Variants in RPN1 observed in about 807,000 individuals in gnomAD.
RPN1 encodes the protein dolichyl-diphosphooligosaccharide--protein glycosyltransferase subunit 1.
Under a neutral mutation model 55.5 loss-of-function variants are expected in RPN1, and 12 were observed. The ratio of observed to expected loss-of-function variants is 0.22; its 90% CI spans 0.14 to 0.35. The LOEUF (loss-of-function observed/expected upper bound fraction) is 0.35. Ranked by LOEUF, RPN1 falls within the 10% of genes least tolerant of loss-of-function variation. The probability of loss-of-function intolerance (pLI) is 1.00; values close to 1 mark genes in which losing one functional copy is unlikely to be tolerated. For synonymous variants in RPN1, 317 were observed against 305.9 expected, an observed-to-expected ratio of 1.04 and a Z score of -0.38; for missense variants, 679 against 761.3, an observed-to-expected ratio of 0.89 and a Z score of 1.27.
intron 2 of RPN1, among the ~76,000 whole-genome samples, chr3:128,639,234 C>T (rs576648826): frequency 1.3e-5 from 2 of 152,130 alleles, no homozygotes; most frequent in South Asian, 2.1e-4. Flanking sequence ...GGGTGGATCA[C>T]GAGGTCAGGA....
intron 3 of RPN1, among the ~76,000 whole-genome samples, chr3:128,635,775 T>C (rs2069677527): frequency 6.7e-6 from 1 of 150,022 alleles, no homozygotes; most frequent in African/African-American, 2.4e-5. Flanking sequence ...TGTGTGTATA[T>C]ATATAAATAT....
intron 1 of RPN1, 37 bp downstream of exon 1, chr3:128,650,503 G>C: frequency 6.6e-7 from 1 of 1,509,164 alleles, no homozygotes; most frequent in Non-Finnish European, 8.9e-7. Flanking sequence ...GGCGGGAAGG[G>C]TCCCGGGAGC....
chr3:128,650,317 G>A (rs913755788), intron 1 of RPN1, among the ~76,000 whole-genome samples: 1 of 152,170 alleles, frequency 6.6e-6, no homozygotes, highest in Non-Finnish European at 1.5e-5. Context: ...GGCCCAGGCA[G>A]GAGGGCGGGC....
At position 128,635,622 on chromosome 3, in the gene RPN1, T is replaced by G. The variant is rs1331181819; in HGVS notation, c.633+2177A>C. 6.0e-3 allele frequency among the ~76,000 whole-genome samples: 161 copies of G among 26,632 alleles called. 1 individual carries two copies. The highest frequency in any genetic ancestry group is 0.033 in the African/African-American group (154 of 4,672). The allele number at this position is 26,632 out of a possible 152,430, so 17.5% of individuals were successfully genotyped here. ...GCCCCTATAACTTGAGATATATATA[T>G]ATATATATATATATATAGATATATA... On this transcript the variant is annotated intron_variant, in intron 3 of 9. Transcript: ENST00000296255.
intron 2 of RPN1, among the ~76,000 whole-genome samples, chr3:128,639,005 G>A (rs553647653): frequency 2.0e-4 from 31 of 152,120 alleles, no homozygotes; most frequent in African/African-American, 7.0e-4. Context: ...ACAGAATACT[G>A]ACAGTCGTTA....
intron 2 of RPN1, among the ~76,000 whole-genome samples, chr3:128,644,215 C>G (rs1017259644): frequency 2.0e-5 from 3 of 152,168 alleles, no homozygotes; most frequent in Non-Finnish European, 4.4e-5. Flanking sequence ...GAGAACTGAT[C>G]TGATATAGAA....
chr3:128,631,820 A>G (rs1423139768), intron 4 of RPN1, 128 bp downstream of exon 4: 2 of 945,666 alleles, frequency 2.1e-6, no homozygotes, highest in Non-Finnish European at 3.3e-6. Context: ...AACACTGCCA[A>G]TCAACAAGAT....
intron 2 of RPN1, among the ~76,000 whole-genome samples, chr3:128,639,669 C>T (rs1436291702): frequency 6.6e-6 from 1 of 151,806 alleles, no homozygotes; most frequent in Admixed American, 6.6e-5. Context: ...CTCACCGCAA[C>T]CTCCGCCTGC....
intron 1 of RPN1, among the ~76,000 whole-genome samples, chr3:128,650,073 T>C (rs970610373): frequency 6.6e-6 from 1 of 152,246 alleles, no homozygotes; most frequent in Non-Finnish European, 1.5e-5. Context: ...ATTTGTCCTC[T>C]ACTTGAGCCA....
chr3:128,628,183 G>A (rs1185328530), intron 5 of RPN1, among the ~76,000 whole-genome samples: 9 of 152,098 alleles, frequency 5.9e-5, no homozygotes, highest in Admixed American at 3.9e-4. Flanking sequence ...CTTGAACCCA[G>A]GAGGCGGAGG....
chr3:128,639,115 T>C (rs2069705679), intron 2 of RPN1, among the ~76,000 whole-genome samples: 1 of 151,968 alleles, frequency 6.6e-6, no homozygotes, highest in African/African-American at 2.4e-5. Context: ...ACAATGTAAA[T>C]AACGAAAATC....
At chr3:128,635,644 T>TATATATATATATATATAGATATATAG (rs1559755837) in intron 3 of RPN1, among the ~76,000 whole-genome samples, 1 of 76,352 alleles carries the variant, frequency 1.3e-5, no homozygotes, top group African/African-American at 5.2e-5. Flanking sequence ...TATATAGATA[T>TATATATATATATATATAGATATATAG]ATATATATAT....
Position 128,631,965 on chromosome 3 carries a change from A to G in RPN1, c.826T>C (p.Ser276Pro), listed in dbSNP as rs753743515. The G allele has an allele frequency of 6.2e-7, 1 of 1,614,192 alleles. No individual in the cohort carries two copies. The highest frequency in any genetic ancestry group is 1.7e-5 in the Admixed American group (1 of 60,014). The change falls in exon 4 of 10, where the codon TCC becomes CCC. Residue 276 changes from serine (S) to proline (P), a missense_variant. Transcript: ENST00000296255. ...YQRQPDSGIS[S>P]IRSFKTILPA... ...TTCCATACCTTAAAAGAACGGATGG[A>G]GGATATTCCACTATCTGGCTGTCTC...
chr3:128,643,749 T>A (rs2107721461), intron 2 of RPN1, among the ~76,000 whole-genome samples: 1 of 151,162 alleles, frequency 6.6e-6, no homozygotes, highest in African/African-American at 2.4e-5. Context: ...GAGCCAAGAT[T>A]GCGCCATTGC....
chr3:128,631,185 C>A (rs913678449), intron 4 of RPN1, among the ~76,000 whole-genome samples: 49 of 147,182 alleles, frequency 3.3e-4, no homozygotes, highest in Non-Finnish European at 6.1e-4. Flanking sequence ...CTTTGAGAGG[C>A]CAAGGCGGCC....
At chr3:128,634,583 G>C (rs1299617767) in intron 3 of RPN1, among the ~76,000 whole-genome samples, 1 of 129,104 alleles carries the variant, frequency 7.7e-6, no homozygotes, top group African/African-American at 3.0e-5. Flanking sequence ...TTTTTTTTGA[G>C]ACAAACTCTC....
Position 128,620,364 on chromosome 3 carries a change from C to A in RPN1, c.*47G>T. 1 of 1,548,118 alleles carries A rather than the reference C, an allele frequency of 6.5e-7. No homozygotes were observed. Among genetic ancestry groups the A allele is most frequent in the Non-Finnish European group, 8.8e-7 (1 of 1,137,452 alleles). On this transcript the variant is annotated 3_prime_UTR_variant, in exon 10 of 10. Coordinates refer to ENST00000296255, the MANE Select transcript of RPN1 (RefSeq NM_002950.4). ...CCACTACCACCCAATCTGCCTGCCA[C>A]AGCAAAGTGCAGGCACCCTGGGCCC...
At chr3:128,632,509 A>C (rs1373710911) in intron 3 of RPN1, among the ~76,000 whole-genome samples, 1 of 152,200 alleles carries the variant, frequency 6.6e-6, no homozygotes, top group Non-Finnish European at 1.5e-5. Context: ...GACAAATAAA[A>C]ATTTCAAGCC....
rs1576792673 is a variant in RPN1, at chr3:128,626,881, G to A, written c.1037-49C>T. 5 of 1,539,880 alleles carry A rather than the reference G, an allele frequency of 3.2e-6. No individual in the cohort carries two copies. In the East Asian group the frequency reaches 6.7e-5, roughly 21 times the overall value. On this transcript the variant is annotated intron_variant, in intron 5 of 9. Coordinates refer to ENST00000296255, the MANE Select transcript of RPN1 (RefSeq NM_002950.4). ...CAATGATGTGGAAAACGGATCAAAT[G>A]GGCAGGAGAGAAAGAAGTACAGGGG...
Sources: gnomAD v4.1 joint callset for allele counts (sites outside exome capture counted in the v4.1 genomes callset) on GRCh38, gnomAD v4.1.1 for gene constraint, MANE v1.5 for transcripts, NCBI Gene and HGNC (gene_info 2026-07-23, HGNC 2026-07-21) for gene names.